Variants in KAT2B observed in about 807,000 individuals in gnomAD.
KAT2B encodes the protein histone acetyltransferase KAT2B.
Under a neutral mutation model 105.9 loss-of-function variants are expected in KAT2B, and 36 were observed. The ratio of observed to expected loss-of-function variants is 0.34; its 90% CI spans 0.26 to 0.45. The LOEUF (loss-of-function observed/expected upper bound fraction) is 0.45. KAT2B is among the 20% of genes least tolerant of loss of function. KAT2B has a pLI of 1.00. For missense variants in KAT2B, 820 were observed against 1,021.6 expected (o/e 0.80, Z 2.69); for synonymous variants, 397 against 377.9 (o/e 1.05, Z -0.59).
chr3:20,110,166 A>C (rs1483274352), intron 5 of KAT2B, among the ~76,000 whole-genome samples: 1 of 152,228 alleles, frequency 6.6e-6, no homozygotes, highest in Non-Finnish European at 1.5e-5. Context: ...AAAGGAGAAC[A>C]GGAAAGCACA....
intron 2 of KAT2B, among the ~76,000 whole-genome samples, chr3:20,084,472 T>C (rs1698579108): frequency 6.6e-6 from 1 of 152,190 alleles, no homozygotes; most frequent in South Asian, 2.1e-4. Context: ...GGGAAACTGT[T>C]GCTGCTTTAT....
chr3:20,078,172 C>T (rs1698452758), intron 2 of KAT2B, among the ~76,000 whole-genome samples: 1 of 151,436 alleles, frequency 6.6e-6, no homozygotes, highest in South Asian at 2.1e-4. Context: ...AGAGTGAGGC[C>T]CTGTCTCAAA....
In KAT2B at chr3:20,113,773, G is replaced by C. The variant is rs59044146; in HGVS notation, c.1044-1109G>C. ...TGCAATTCTCAGATGTGTTTTCAGG[G>C]CTTACATTCTTATCTTCCTATTCTT... On this transcript the variant is annotated intron_variant, in intron 6 of 17. Transcript: ENST00000263754. 9.9e-3 allele frequency among the ~76,000 whole-genome samples: 1,514 copies of C among 152,190 alleles called. 27 individuals are homozygous for C. The highest frequency in any genetic ancestry group is 0.032 in the African/African-American group (1,314 of 41,532).
intron 2 of KAT2B, among the ~76,000 whole-genome samples, chr3:20,073,203 C>A (rs1424485212): frequency 6.6e-6 from 1 of 152,170 alleles, no homozygotes; most frequent in Non-Finnish European, 1.5e-5. Context: ...CACGAAGAAT[C>A]TTAGACTATT....
intron 7 of KAT2B, among the ~76,000 whole-genome samples, chr3:20,119,224 C>G (rs1376956073): frequency 6.6e-6 from 1 of 151,244 alleles, no homozygotes; most frequent in African/African-American, 2.4e-5. Flanking sequence ...AGGTTTTAGC[C>G]TACACACATG....
At chr3:20,079,551 A>G (rs1171927843) in intron 2 of KAT2B, among the ~76,000 whole-genome samples, 2 of 152,196 alleles carry the variant, frequency 1.3e-5, no homozygotes, top group African/African-American at 2.4e-5. Context: ...AGCTTTAACA[A>G]TCACACTAGA....
At chr3:20,149,577 G>A (rs1422637726) in intron 17 of KAT2B, among the ~76,000 whole-genome samples, 1 of 147,576 alleles carries the variant, frequency 6.8e-6, no homozygotes, top group East Asian at 2.1e-4. Context: ...TTAGCTCCTT[G>A]AAAACTGAGT....
rs1335017208 is a variant in KAT2B at position 20,101,271 on chromosome 3, C to T, written c.670-16C>T. ...TTGCATAGCTGCATGAAGAAATTGCCTTCCCTCTTTTTAAGGGTGTGAATA... is the reference window on the plus strand; with the variant it reads ...TTGCATAGCTGCATGAAGAAATTGCTTTCCCTCTTTTTAAGGGTGTGAATA... On this transcript the variant is annotated splice_polypyrimidine_tract_variant and intron_variant, in intron 4 of 17. Transcript: ENST00000263754. 5 of 1,610,546 alleles carry T rather than the reference C, an allele frequency of 3.1e-6. No individual in the cohort carries two copies. Among genetic ancestry groups the T allele is most frequent in the Non-Finnish European group, 4.2e-6 (5 of 1,177,210 alleles).
At chr3:20,069,424 C>T (rs1698279266) in intron 1 of KAT2B, among the ~76,000 whole-genome samples, 1 of 152,076 alleles carries the variant, frequency 6.6e-6, no homozygotes, top group Admixed American at 6.6e-5. Context: ...CAACTTCTGT[C>T]CTTCTTGTTA....
intron 1 of KAT2B, among the ~76,000 whole-genome samples, chr3:20,071,228 A>T (rs1420677853): frequency 6.6e-6 from 1 of 152,190 alleles, no homozygotes; most frequent in African/African-American, 2.4e-5. Context: ...GATTTGAACT[A>T]GCTGGATTTC....
intron 7 of KAT2B, among the ~76,000 whole-genome samples, chr3:20,116,799 T>C (rs187731576): frequency 5.3e-4 from 80 of 152,282 alleles, no homozygotes; most frequent in African/African-American, 1.6e-3. Flanking sequence ...CTTTACATAG[T>C]TGAGGAAATA....
At chr3:20,044,101 A>G (rs1697764805) in intron 1 of KAT2B, among the ~76,000 whole-genome samples, 1 of 152,070 alleles carries the variant, frequency 6.6e-6, no homozygotes, top group African/African-American at 2.4e-5. Flanking sequence ...AAAGAAACAA[A>G]CAAACTTGTT....
Position 20,152,323 on chromosome 3 carries a change from C to G in KAT2B, c.2306-9C>G, listed in dbSNP as rs771757229. ...TCAAAGATTGCTAATATTTTTTTTT[C>G]CTGTGCAGATCTGAAAACCATGAGT... On this transcript the variant is annotated splice_polypyrimidine_tract_variant and intron_variant, in intron 17 of 17. Transcript: ENST00000263754. 2.5e-6 allele frequency: 4 copies of G among 1,589,590 alleles called. No individual in the cohort carries two copies. The highest frequency in any genetic ancestry group is 1.4e-5 in the African/African-American group (1 of 73,392).
intron 1 of KAT2B, among the ~76,000 whole-genome samples, chr3:20,055,512 C>T (rs886339399): frequency 3.9e-5 from 6 of 152,090 alleles, no homozygotes; most frequent in Admixed American, 2.0e-4. Flanking sequence ...AGAAGGGACA[C>T]GGACCGAGGC....
intron 17 of KAT2B, among the ~76,000 whole-genome samples, chr3:20,149,376 G>A (rs1699829548): frequency 6.6e-6 from 1 of 151,440 alleles, no homozygotes; most frequent in African/African-American, 2.4e-5. Flanking sequence ...CACGCCTGAG[G>A]CCCCAGCTAC....
chr3:20,075,323 A>G (rs931755958), intron 2 of KAT2B, among the ~76,000 whole-genome samples: 9 of 152,062 alleles, frequency 5.9e-5, no homozygotes, highest in Admixed American at 5.9e-4. Flanking sequence ...TACTCAACAC[A>G]GAACACTTCT....
chr3:20,129,945 C>G (rs912007356), intron 11 of KAT2B, among the ~76,000 whole-genome samples: 2 of 152,130 alleles, frequency 1.3e-5, no homozygotes, highest in African/African-American at 2.4e-5. Context: ...CAGCTTCACT[C>G]TCTGGTCACA....
intron 1 of KAT2B, among the ~76,000 whole-genome samples, chr3:20,054,083 C>T (rs961610770): frequency 2.0e-5 from 3 of 151,820 alleles, no homozygotes; most frequent in Non-Finnish European, 4.4e-5. Context: ...CAGGCATGAG[C>T]CATTGTGTCC....
intron 5 of KAT2B, among the ~76,000 whole-genome samples, chr3:20,107,484 C>T (rs1328176892): frequency 6.6e-6 from 1 of 151,108 alleles, no homozygotes; most frequent in Non-Finnish European, 1.5e-5. Context: ...ATGGTGAAAC[C>T]CTGTCTCTAT....
Sources: allele counts gnomAD v4.1 joint callset (sites outside exome capture counted in the v4.1 genomes callset), GRCh38; gene constraint gnomAD v4.1.1; transcripts MANE v1.5; gene names NCBI Gene and HGNC (gene_info 2026-07-23, HGNC 2026-07-21).